The following PREX1 variants were observed in gnomAD, a reference collection of about 807,000 sequenced individuals.
The protein encoded by PREX1 is phosphatidylinositol-3,4,5-trisphosphate dependent Rac exchange factor 1.
In PREX1, 41 loss-of-function variants were observed where a neutral mutation model predicts 198.3. The observed-to-expected ratio is 0.21, with a 90% CI of 0.16 to 0.27. The LOEUF is 0.27. Among genes scored for constraint, PREX1 ranks in the 10% least tolerant of loss-of-function variants. PREX1 has a pLI of 1.00. For synonymous variants in PREX1, 843 were observed against 887.2 expected, an observed-to-expected ratio of 0.95 and a Z score of 0.89; for missense variants, 1,620 against 2,200.7, an observed-to-expected ratio of 0.74 and a Z score of 5.28.
chr20:48,649,330 T>G lies in PREX1; in HGVS notation c.3275A>C (p.Glu1092Ala), dbSNP rs2089474464. 1 of 1,613,874 alleles carries G rather than the reference T, an allele frequency of 6.2e-7. No individual in the cohort carries two copies. The highest frequency in any genetic ancestry group is 8.5e-7 in the Non-Finnish European group (1 of 1,179,946). ...GATCTGGGTGACATATTGCTTCATC[T>G]CCTTCAGGGCCACATCCAGCTTGGT... The part of the protein sequence containing the change: ...LFTKLDVALK[E>A]MKQYVTQINR... Residue 1092 changes from glutamate to alanine, a missense_variant, in exon 25 of 40, where the codon GAG becomes GCG. Glu to Ala is a moderately radical substitution (Grantham distance 107). Coordinates refer to ENST00000371941, the MANE Select transcript of PREX1 (RefSeq NM_020820.4).
chr20:48,646,242 T>A (rs1386775210), intron 25 of PREX1, among the ~76,000 whole-genome samples, 185 bp from the exon 26 acceptor site: 1 of 152,228 alleles, frequency 6.6e-6, no homozygotes, highest in African/African-American at 2.4e-5. Flanking sequence ...AAGCCTTTCC[T>A]GTGAAGACCC....
At chr20:48,633,312 C>G (rs901523682) in intron 33 of PREX1, among the ~76,000 whole-genome samples, 3 of 152,086 alleles carry the variant, frequency 2.0e-5, no homozygotes, top group Non-Finnish European at 2.9e-5. Flanking sequence ...AAAACTGGCT[C>G]GTGGGAAGGA....
chr20:48,884,033 G>A, the PREX1 span, among the ~76,000 whole-genome samples: 12 of 151,868 alleles, frequency 7.9e-5, no homozygotes, highest in African/African-American at 1.9e-4. Context: ...TCAGCTACTC[G>A]GGAGGCTGAG....
At chr20:48,720,636 T>A (rs73136396) in intron 5 of PREX1, among the ~76,000 whole-genome samples, 9,329 of 152,060 alleles carry the variant, frequency 0.061, 354 homozygotes, top group East Asian at 0.13. Context: ...TCTGCTCTGG[T>A]GCCACCTAAA....
chr20:48,733,445 T>C (rs1420686365), intron 4 of PREX1, among the ~76,000 whole-genome samples: 1 of 152,224 alleles, frequency 6.6e-6, no homozygotes, highest in East Asian at 1.9e-4. Flanking sequence ...CTAGGATTTT[T>C]GCTGTTACTA....
intron 1 of PREX1, among the ~76,000 whole-genome samples, chr20:48,780,764 T>C (rs1730918634): frequency 6.6e-6 from 1 of 152,142 alleles, no homozygotes; most frequent in South Asian, 2.1e-4. Flanking sequence ...CGGTGGATGC[T>C]AAAACTAGTG....
At chr20:48,711,322 C>T (rs903198954) in intron 5 of PREX1, among the ~76,000 whole-genome samples, 1 of 152,178 alleles carries the variant, frequency 6.6e-6, no homozygotes, top group Non-Finnish European at 1.5e-5. Flanking sequence ...CAATATAAGA[C>T]CGTGATCTTA....
Position 48,624,596 on chromosome 20 carries a change from C to G in PREX1, c.*1289G>C, listed in dbSNP as rs1260602821. ...CTGCCAGGGGTGACAGGCGTCCCCC[C>G]GCTTCCTCCCCAGCTGTGACCTTTC... On this transcript the variant is annotated 3_prime_UTR_variant, in exon 40 of 40. Transcript: ENST00000371941. 1 of 152,300 alleles carries G rather than the reference C, an allele frequency of 6.6e-6. No individual in the cohort carries two copies. Among genetic ancestry groups the G allele is most frequent in the Non-Finnish European group, 1.5e-5 (1 of 68,092 alleles). The allele number at this position is 152,300 out of a possible 1,614,324, so 9.4% of individuals were successfully genotyped here. A position where few individuals can be genotyped will look rare whatever the true frequency, so the allele number is the denominator to read the frequency against.
At chr20:48,726,896 T>C (rs1376301208) in intron 4 of PREX1, among the ~76,000 whole-genome samples, 1 of 152,214 alleles carries the variant, frequency 6.6e-6, no homozygotes, top group Non-Finnish European at 1.5e-5. Context: ...AGCAGATTTA[T>C]ACAATGGTAG....
At chr20:48,817,355 G>T (rs149557449) in intron 1 of PREX1, among the ~76,000 whole-genome samples, 5 of 152,300 alleles carry the variant, frequency 3.3e-5, no homozygotes, top group African/African-American at 1.2e-4. Flanking sequence ...TCCCAGGAAG[G>T]ATCTCAGGCA....
the PREX1 span, among the ~76,000 whole-genome samples, chr20:48,865,130 T>C: frequency 4.6e-5 from 7 of 152,072 alleles, no homozygotes; most frequent in Non-Finnish European, 7.4e-5. Context: ...GGGGAGTCTC[T>C]GGGGGAAACA....
the PREX1 span, among the ~76,000 whole-genome samples, chr20:48,847,364 TA>T: frequency 0.21 from 16,338 of 77,422 alleles, 1,043 homozygotes; most frequent in Admixed American, 0.26. Flanking sequence ...CCTTCTCTTA[TA>T]AAAAAAAAAA....
At chr20:48,781,018 A>C (rs2090287372) in intron 1 of PREX1, among the ~76,000 whole-genome samples, 2 of 152,142 alleles carry the variant, frequency 1.3e-5, no homozygotes, top group African/African-American at 4.8e-5. Context: ...CTCAAGTCCA[A>C]AGTGGCAGAC....
chr20:48,797,622 A>G (rs2090369025), intron 1 of PREX1, among the ~76,000 whole-genome samples: 1 of 151,878 alleles, frequency 6.6e-6, no homozygotes, highest in South Asian at 2.1e-4. Flanking sequence ...CCCCAGAGAG[A>G]AAGAGAACGA....
the PREX1 span, among the ~76,000 whole-genome samples, chr20:48,849,171 T>C: frequency 6.6e-6 from 1 of 151,592 alleles, no homozygotes; most frequent in Non-Finnish European, 1.5e-5. Context: ...AAAATGAAAA[T>C]CACCTCCATT....
chr20:48,747,504 G>A (rs1568848948), intron 2 of PREX1, among the ~76,000 whole-genome samples: 1 of 152,256 alleles, frequency 6.6e-6, no homozygotes, highest in East Asian at 1.9e-4. Context: ...CCAAGCCAGA[G>A]GGCCTGACAC....
chr20:48,666,833 GATT>G lies in PREX1; in HGVS notation c.1666-481_1666-479del, dbSNP rs1170487723. Reference sequence around the variant, plus strand: ...AGCCACCACGCCTGGCCCCATTTGTGATTATTATTAATAAACTCCAAACAAGAC... The same window carrying G: ...AGCCACCACGCCTGGCCCCATTTGTGATTATTAATAAACTCCAAACAAGAC... On this transcript the variant is annotated intron_variant, in intron 14 of 39. Coordinates refer to ENST00000371941, the MANE Select transcript of PREX1 (RefSeq NM_020820.4). This position sits in a 1 kb window ranked among gnomAD's most constrained non-coding sequence, Gnocchi z 4.3. Among the ~76,000 whole-genome samples the G allele has an allele frequency of 6.6e-6, 1 of 151,918 alleles. No homozygotes were observed. The highest frequency in any genetic ancestry group is 1.5e-5 in the Non-Finnish European group (1 of 67,982).
chr20:48,800,372 A>G (rs1215203570), intron 1 of PREX1, among the ~76,000 whole-genome samples: 1 of 152,190 alleles, frequency 6.6e-6, no homozygotes, highest in African/African-American at 2.4e-5. Flanking sequence ...TTAGTTTTAA[A>G]ACCAGAACAG....
In PREX1 at chr20:48,636,738, G is replaced by A. The variant is rs1281511119; in HGVS notation, c.3947-55C>T. ...GAGGGGCGCTCCCGTGCCACCAGGA[G>A]GCCCACCCCCCAAAACCCTGGGTCC... On this transcript the variant is annotated intron_variant, in intron 31 of 39. Transcript: ENST00000371941. 8 of 1,476,406 alleles carry A rather than the reference G, an allele frequency of 5.4e-6. No individual in the cohort carries two copies. The East Asian group carries it at 1.5e-4, about 27-fold the overall frequency. 91.5% of individuals were successfully genotyped at this position (1,476,406 alleles called of 1,614,324 possible).
Sources: allele counts gnomAD v4.1 joint callset (sites outside exome capture counted in the v4.1 genomes callset), GRCh38; gene constraint gnomAD v4.1.1; non-coding constraint Gnocchi (gnomAD v3.1); transcripts MANE v1.5; gene names NCBI Gene and HGNC (gene_info 2026-07-23, HGNC 2026-07-21).